PIK3C2G: variants seen among roughly 807,000 people sequenced by gnomAD.
PIK3C2G encodes phosphatidylinositol-4-phosphate 3-kinase catalytic subunit type 2 gamma, also known as phosphatidylinositol 3-kinase C2 domain-containing subunit gamma.
PIK3C2G carries 168 observed loss-of-function variants against 181.1 expected under a neutral mutation model. The observed-to-expected ratio is 0.93, with a 90% confidence interval of 0.82 to 1.05. PIK3C2G has a LOEUF of 1.05. Among genes scored for constraint, PIK3C2G ranks in the 50% least tolerant of loss-of-function variants. PIK3C2G has a pLI of 0.00. For synonymous variants in PIK3C2G, 573 were observed against 592.2 expected (o/e 0.97, Z 0.47); for missense variants, 1,869 against 1,732.8 (o/e 1.08, Z -1.40).
chr12:18,339,784 A>AT (rs1236472147), intron 9 of PIK3C2G, among the ~76,000 whole-genome samples: 1 of 152,156 alleles, frequency 6.6e-6, no homozygotes. Context: ...GAATATAGAA[A>AT]TTTAAATACG....
intron 6 of PIK3C2G, among the ~76,000 whole-genome samples, chr12:18,316,423 T>C (rs1252275576): frequency 1.3e-5 from 2 of 152,188 alleles, no homozygotes; most frequent in Non-Finnish European, 2.9e-5. Flanking sequence ...TGTGTAGTTC[T>C]CATCAGAAAT....
At chr12:18,540,660 T>A in intron 25 of PIK3C2G, among the ~76,000 whole-genome samples, 1 of 151,938 alleles carries the variant, frequency 6.6e-6, no homozygotes, top group East Asian at 1.9e-4. Flanking sequence ...TGTTGAAAAT[T>A]TCTGGAATAT....
At chr12:18,248,576 AAACAACAACAAC>A (rs139110088) in intron 1 of PIK3C2G, among the ~76,000 whole-genome samples, 63,908 of 151,270 alleles carry the variant, frequency 0.42, 14,080 homozygotes, top group East Asian at 0.74. Flanking sequence ...ATCTCAAACA[AAACAACAACAAC>A]AACAACAACA....
chr12:18,371,297 ACT>A lies in PIK3C2G; in HGVS notation c.1867_1868del (p.Leu623ValfsTer20), dbSNP rs1302092760. The A allele has an allele frequency of 6.2e-7, 1 of 1,608,858 alleles. No individual in the cohort carries two copies. Among genetic ancestry groups the A allele is most frequent in the East Asian group, 2.2e-5 (1 of 44,704 alleles). ...ATTTACTGGCGTGGACTTGTCTTCCACTGTTTCCAAAAGAGTAAGTGTATCAA... is the reference window on the plus strand; with the variant it reads ...ATTTACTGGCGTGGACTTGTCTTCCAGTTTCCAAAAGAGTAAGTGTATCAA... ...ANLLAWTCLP[L>X]FPKEKSILGS... On this transcript the variant is annotated frameshift_variant, in exon 13 of 33. Transcript: ENST00000538779. LOFTEE classifies it high-confidence loss of function.
At chr12:18,465,538 A>G (rs1030870682) in intron 18 of PIK3C2G, among the ~76,000 whole-genome samples, 1 of 151,868 alleles carries the variant, frequency 6.6e-6, no homozygotes, top group Non-Finnish European at 1.5e-5. Flanking sequence ...ACTTTAGTTC[A>G]TATTCATTTT....
intron 20 of PIK3C2G, 115 bp from the exon 21 acceptor site, chr12:18,495,947 T>C: frequency 1.9e-6 from 1 of 538,370 alleles, no homozygotes; most frequent in Non-Finnish European, 3.2e-6. Context: ...TGTGTTACAT[T>C]TGTTCATACA....
At chr12:18,567,828 A>C (rs540248253) in intron 29 of PIK3C2G, among the ~76,000 whole-genome samples, 2 of 152,280 alleles carry the variant, frequency 1.3e-5, no homozygotes, top group South Asian at 4.1e-4. Context: ...AGTACATATC[A>C]ATTTTCTTTC....
chr12:18,543,461 T>C (rs543345374), intron 25 of PIK3C2G, among the ~76,000 whole-genome samples: 2 of 152,180 alleles, frequency 1.3e-5, no homozygotes, highest in African/African-American at 4.8e-5. Flanking sequence ...ATGAAATCTT[T>C]GCCCATTCCT....
At chr12:18,290,161 T>C (rs1387950371) in intron 3 of PIK3C2G, among the ~76,000 whole-genome samples, 1 of 152,206 alleles carries the variant, frequency 6.6e-6, no homozygotes, top group Non-Finnish European at 1.5e-5. Flanking sequence ...TCTTTACTTG[T>C]TCAAAAAAAT....
intron 29 of PIK3C2G, among the ~76,000 whole-genome samples, chr12:18,580,217 A>T (rs1946429567): frequency 6.6e-6 from 1 of 152,156 alleles, no homozygotes. Context: ...ATAAATGTGT[A>T]CCCATATTTG....
the PIK3C2G span, chr12:18,713,795 T>G: frequency 6.6e-6 from 1 of 152,216 alleles, no homozygotes; most frequent in African/African-American, 2.4e-5. Context: ...CTGCTTCTGC[T>G]GATATCTAAA....
intron 20 of PIK3C2G, among the ~76,000 whole-genome samples, chr12:18,491,967 A>G (rs1387033101): frequency 1.3e-5 from 2 of 152,114 alleles, no homozygotes; most frequent in African/African-American, 4.8e-5. Flanking sequence ...TAGCTACAAC[A>G]TTTCTATTTT....
chr12:18,717,689 C>T, the PIK3C2G span, among the ~76,000 whole-genome samples: 1 of 152,110 alleles, frequency 6.6e-6, no homozygotes, highest in African/African-American at 2.4e-5. Context: ...TCTCAGCCAA[C>T]AGTATTACTG....
intron 11 of PIK3C2G, among the ~76,000 whole-genome samples, chr12:18,360,065 T>C (rs1290155939): frequency 6.6e-6 from 1 of 152,154 alleles, no homozygotes; most frequent in Non-Finnish European, 1.5e-5. Flanking sequence ...GTATTTTTAG[T>C]GTTTGTTGTT....
intron 18 of PIK3C2G, among the ~76,000 whole-genome samples, chr12:18,437,199 G>A (rs1946497975): frequency 6.6e-6 from 1 of 151,826 alleles, no homozygotes; most frequent in Admixed American, 6.6e-5. Flanking sequence ...TGAAAAGATT[G>A]CTCCTTGAAA....
At chr12:18,418,274 T>C (rs954418817) in intron 16 of PIK3C2G, among the ~76,000 whole-genome samples, 1 of 152,264 alleles carries the variant, frequency 6.6e-6, no homozygotes, top group South Asian at 2.1e-4. Context: ...AGAGGCACCT[T>C]CAAGGGAATT....
At position 18,433,854 on chromosome 12, in the gene PIK3C2G, ACAC is replaced by A. The variant is rs953299553; in HGVS notation, c.2504+9816_2504+9818del. 8.7e-4 allele frequency among the ~76,000 whole-genome samples: 133 copies of A among 152,308 alleles called. 1 individual carries two copies. The highest frequency in any genetic ancestry group is 3.0e-3 in the African/African-American group (126 of 41,584). ...GTTTGGTTTCCTTCCAACTAAAAAT[ACAC>A]AGTAAGCAGTAGGGTACAGGCCTGA... On this transcript the variant is annotated intron_variant, in intron 18 of 32. Coordinates refer to ENST00000538779, the MANE Select transcript of PIK3C2G (RefSeq NM_001288772.2).
intron 30 of PIK3C2G, among the ~76,000 whole-genome samples, chr12:18,608,702 TATA>T (rs1170078875): frequency 1.3e-5 from 2 of 151,664 alleles, no homozygotes; most frequent in Non-Finnish European, 2.9e-5. Flanking sequence ...AAACTTAAAG[TATA>T]ATAATAAAAA....
At chr12:18,407,229 T>C (rs1045565594) in intron 16 of PIK3C2G, among the ~76,000 whole-genome samples, 5 of 152,106 alleles carry the variant, frequency 3.3e-5, no homozygotes, top group African/African-American at 1.2e-4. Flanking sequence ...AATAAATTCA[T>C]GAGAAATATT....
Sources: allele counts gnomAD v4.1 joint callset (sites outside exome capture counted in the v4.1 genomes callset), GRCh38; gene constraint gnomAD v4.1.1; transcripts MANE v1.5; gene names NCBI Gene and HGNC (gene_info 2026-07-23, HGNC 2026-07-21).